The following ARID4B variants were observed in gnomAD, a reference collection of about 807,000 sequenced individuals.
ARID4B encodes AT-rich interaction domain 4B, also known as AT-rich interactive domain-containing protein 4B.
Under a neutral mutation model 147.5 loss-of-function variants are expected in ARID4B, and 26 were observed. The ratio of observed to expected loss-of-function variants is 0.18; its 90% CI spans 0.13 to 0.24. The LOEUF (loss-of-function observed/expected upper bound fraction) is 0.24. ARID4B is among the 10% of genes least tolerant of loss of function. The pLI is 1.00. For synonymous variants in ARID4B, 512 were observed against 507.9 expected, an observed-to-expected ratio of 1.01 and a Z score of -0.11; for missense variants, 1,179 against 1,511.5, an observed-to-expected ratio of 0.78 and a Z score of 3.65.
chr1:235,216,672 AAAT>A (rs1353925224), intron 16 of ARID4B, among the ~76,000 whole-genome samples: 3 of 152,162 alleles, frequency 2.0e-5, no homozygotes, highest in Admixed American at 2.0e-4. Flanking sequence ...ATGTTATTGA[AAAT>A]AATATTTCTA....
At chr1:235,318,302 A>G (rs1048430368) in intron 2 of ARID4B, among the ~76,000 whole-genome samples, 3 of 149,432 alleles carry the variant, frequency 2.0e-5, no homozygotes, top group African/African-American at 7.4e-5. Flanking sequence ...CAGCCTCCTG[A>G]GTAGCTGGGA....
At chr1:235,259,763 CA>C (rs1266340849) in intron 3 of ARID4B, among the ~76,000 whole-genome samples, 1 of 152,164 alleles carries the variant, frequency 6.6e-6, no homozygotes, top group Non-Finnish European at 1.5e-5. Context: ...CACATCCATG[CA>C]TAAGGAATAT....
rs2102895569 is a variant in ARID4B at position 235,172,880 on chromosome 1, TAAGGCTTCTGAAATA to T, written c.3665-131_3665-117del. 10 of 835,456 alleles carry T rather than the reference TAAGGCTTCTGAAATA, an allele frequency of 1.2e-5. No homozygotes were observed. In the South Asian group the frequency reaches 2.0e-4, roughly 17 times the overall value. The allele number at this position is 835,456 out of a possible 1,614,324, so 51.8% of individuals were successfully genotyped here. ...GGTTGAGGCAGATGAACTAAAAAACTAAGGCTTCTGAAATATTTGTTTTCCAAATTTTTTATCTAG... is the reference window on the plus strand; with the variant it reads ...GGTTGAGGCAGATGAACTAAAAAACTTTTGTTTTCCAAATTTTTTATCTAG... On this transcript the variant is annotated intron_variant, in intron 22 of 23. Coordinates refer to ENST00000264183, the MANE Select transcript of ARID4B (RefSeq NM_016374.6).
chr1:235,265,431 G>A (rs145609994), intron 2 of ARID4B, among the ~76,000 whole-genome samples: 60 of 151,972 alleles, frequency 3.9e-4, no homozygotes, highest in African/African-American at 1.4e-3. Flanking sequence ...AAGCACAGTG[G>A]CTCACACCTG....
chr1:235,169,402 G>T (rs1376410261), intron 23 of ARID4B, among the ~76,000 whole-genome samples: 7 of 151,036 alleles, frequency 4.6e-5, no homozygotes, highest in Admixed American at 4.0e-4. Context: ...CACCACGCCC[G>T]GCTAATTTTT....
intron 17 of ARID4B, among the ~76,000 whole-genome samples, chr1:235,204,278 T>A (rs752980742): frequency 5.3e-5 from 8 of 152,160 alleles, no homozygotes; most frequent in Non-Finnish European, 8.8e-5. Context: ...GCCAAGATCA[T>A]GCCACTGCAC....
chr1:235,195,423 T>C (rs1558189395), intron 18 of ARID4B, among the ~76,000 whole-genome samples: 1 of 151,952 alleles, frequency 6.6e-6, no homozygotes. Context: ...TGAAACCCCA[T>C]CTCTACTAAA....
rs1003327974 is a variant in ARID4B at position 235,296,887 on chromosome 1, T to C, written c.6+30027A>G. On this transcript the variant is annotated intron_variant, in intron 2 of 23. Transcript: ENST00000264183. ...GGAGAGAGTACTTCCTGTATCTAAA[T>C]ACTAAAAAACCATAGAAGTCATGAC... Among the ~76,000 whole-genome samples, 6 of 84,062 alleles carry C rather than the reference T, an allele frequency of 7.1e-5. No homozygotes were observed. In the East Asian group the frequency reaches 2.7e-3, roughly 38 times the overall value. The allele number at this position is 84,062 out of a possible 152,430, so 55.1% of individuals were successfully genotyped here.
chr1:235,191,540 G>GCTA (rs1307274368), intron 19 of ARID4B, among the ~76,000 whole-genome samples: 2 of 152,108 alleles, frequency 1.3e-5, no homozygotes, highest in Non-Finnish European at 2.9e-5. Context: ...ACAGGAGTGA[G>GCTA]CTACTATGCC....
chr1:235,291,418 T>A (rs1241551140), intron 2 of ARID4B, among the ~76,000 whole-genome samples: 2 of 151,366 alleles, frequency 1.3e-5, no homozygotes, highest in African/African-American at 4.8e-5. Flanking sequence ...AAAAAAATAA[T>A]AAATAAATAA....
intron 19 of ARID4B, among the ~76,000 whole-genome samples, chr1:235,186,887 G>A (rs1244766134): frequency 1.3e-5 from 2 of 151,324 alleles, no homozygotes; most frequent in African/African-American, 2.4e-5. Context: ...TTAGAGACAC[G>A]GTTTTACCAT....
intron 21 of ARID4B, chr1:235,176,687 G>A: frequency 2.7e-6 from 1 of 365,240 alleles, no homozygotes; most frequent in Non-Finnish European, 5.4e-6. Context: ...GACTGTCTCA[G>A]CCTGGCTTTC....
chr1:235,252,618 T>C (rs1459186250), intron 6 of ARID4B, 112 bp downstream of exon 6: 2 of 774,860 alleles, frequency 2.6e-6, no homozygotes, highest in African/African-American at 1.8e-5. Context: ...GGGTATTGTG[T>C]ATTAATGAAC....
intron 17 of ARID4B, among the ~76,000 whole-genome samples, chr1:235,211,202 T>G (rs1666697005): frequency 6.6e-6 from 1 of 152,034 alleles, no homozygotes; most frequent in Non-Finnish European, 1.5e-5. Flanking sequence ...GGCGTGGTGG[T>G]GCGTGCCTAT....
chr1:235,255,471 C>A (rs1004405323), intron 5 of ARID4B, among the ~76,000 whole-genome samples, 189 bp downstream of exon 5: 5 of 151,746 alleles, frequency 3.3e-5, no homozygotes, highest in African/African-American at 9.7e-5. Context: ...TAAATAATTT[C>A]AATTTTTGTT....
At chr1:235,186,160 G>A (rs1664665532) in intron 19 of ARID4B, among the ~76,000 whole-genome samples, 1 of 151,916 alleles carries the variant, frequency 6.6e-6, no homozygotes, top group Admixed American at 6.6e-5. Context: ...GTAGAGACAG[G>A]GTTTCACCGT....
intron 20 of ARID4B, among the ~76,000 whole-genome samples, chr1:235,178,115 G>A (rs926090714): frequency 3.3e-5 from 5 of 152,012 alleles, no homozygotes; most frequent in Non-Finnish European, 7.4e-5. Context: ...AAAAGTCAGG[G>A]TTTTTAAAAA....
intron 17 of ARID4B, among the ~76,000 whole-genome samples, chr1:235,197,311 A>T (rs1665572732): frequency 6.6e-6 from 1 of 152,248 alleles, no homozygotes; most frequent in African/African-American, 2.4e-5. Context: ...AAATGTCCTC[A>T]TTGTTAGAGG....
At chr1:235,215,282 A>T (rs1489395794) in intron 16 of ARID4B, among the ~76,000 whole-genome samples, 3 of 152,060 alleles carry the variant, frequency 2.0e-5, no homozygotes, top group African/African-American at 4.8e-5. Context: ...CACTAGATTT[A>T]TTTTTTAAAA....
Sources: gnomAD v4.1 joint callset for allele counts (sites outside exome capture counted in the v4.1 genomes callset) on GRCh38, gnomAD v4.1.1 for gene constraint, MANE v1.5 for transcripts, NCBI Gene and HGNC (gene_info 2026-07-23, HGNC 2026-07-21) for gene names.